The following KIF27 variants were observed in gnomAD, a reference collection of about 807,000 sequenced individuals.
KIF27 encodes kinesin-like protein KIF27.
In KIF27, 84 loss-of-function variants were observed where a neutral mutation model predicts 141.8. The observed-to-expected ratio is 0.59, with a 90% confidence interval of 0.50 to 0.71. The LOEUF is 0.71. Among genes scored for constraint, KIF27 ranks in the 30% least tolerant of loss-of-function variants. The probability of loss-of-function intolerance (pLI) is 0.00; values close to 1 mark genes in which losing one functional copy is unlikely to be tolerated. For synonymous variants in KIF27, 471 were observed against 569.5 expected (o/e 0.83, Z 2.46); for missense variants, 1,306 against 1,628.4 (o/e 0.80, Z 3.41).
intron 16 of KIF27, among the ~76,000 whole-genome samples, chr9:83,848,452 ATATATC>A (rs1322395726): frequency 1.0e-4 from 14 of 139,814 alleles, no homozygotes; most frequent in Non-Finnish European, 1.5e-4. Context: ...TGCTATATGT[ATATATC>A]TATATCTATA....
intron 10 of KIF27, among the ~76,000 whole-genome samples, chr9:83,882,173 T>G (rs994659848): frequency 1.3e-5 from 2 of 152,052 alleles, no homozygotes; most frequent in Non-Finnish European, 2.9e-5. Flanking sequence ...GACCAGCCTG[T>G]CCAATGTGGT....
chr9:83,880,240 G>A (rs746712218), intron 11 of KIF27, 57 bp downstream of exon 11: 1 of 1,609,642 alleles, frequency 6.2e-7, no homozygotes, highest in African/African-American at 1.3e-5. Flanking sequence ...GGATTCGTTA[G>A]CTCTGAGCCG....
intron 13 of KIF27, among the ~76,000 whole-genome samples, chr9:83,862,532 A>AAG (rs1564325599): frequency 6.6e-6 from 1 of 152,110 alleles, no homozygotes; most frequent in East Asian, 1.9e-4. Flanking sequence ...CCACTGGTCT[A>AAG]TATCTCTGTT....
Position 83,903,634 on chromosome 9 carries a change from T to A in KIF27, c.884A>T (p.Asp295Val). 6.2e-7 allele frequency: 1 copy of A among 1,614,184 alleles called. No homozygotes were observed. The highest frequency in any genetic ancestry group is 2.2e-5 in the East Asian group (1 of 44,886). The part of the protein sequence containing the change: ...RRKSSHIPYR[D>V]AKITRLLKDS... ...TTTCAGAAGCCGGGTAATTTTAGCA[T>A]CCCTATATGGAATATGTGAACTCTT... is the stretch of plus-strand genomic sequence containing the variant. The change falls in exon 4 of 18, where the codon GAT becomes GTT. Residue 295 changes from aspartate to valine, a missense_variant. Physicochemically the swap from Asp to Val is radical, Grantham distance 152. Transcript: ENST00000297814.
At chr9:83,893,830 A>C (rs920580018) in intron 5 of KIF27, among the ~76,000 whole-genome samples, 2 of 152,100 alleles carry the variant, frequency 1.3e-5, no homozygotes, top group Non-Finnish European at 2.9e-5. Flanking sequence ...AAAGTCAAAA[A>C]TTGTCTCTTT....
chr9:83,862,294 T>C (rs1950002299), intron 13 of KIF27, among the ~76,000 whole-genome samples: 1 of 151,936 alleles, frequency 6.6e-6, no homozygotes, highest in Non-Finnish European at 1.5e-5. Context: ...TCTTCTAGGG[T>C]TTTTATGGTT....
chr9:83,835,273 T>G lies in KIF27; in HGVS notation c.*1728A>C. 1.3e-5 allele frequency among the ~76,000 whole-genome samples: 2 copies of G among 151,480 alleles called. No individual in the cohort carries two copies. The highest frequency in any genetic ancestry group is 3.9e-4 in the East Asian group (2 of 5,180). ...ACCTTTGGTTTGTATGATTTATATT[T>G]ATATATAAATGTACATAAATTTATA... On this transcript the variant is annotated 3_prime_UTR_variant, in exon 18 of 18. Coordinates refer to ENST00000297814, the MANE Select transcript of KIF27 (RefSeq NM_017576.4).
At chr9:83,913,241 T>C (rs1277230336) in intron 2 of KIF27, among the ~76,000 whole-genome samples, 1 of 152,150 alleles carries the variant, frequency 6.6e-6, no homozygotes, top group East Asian at 1.9e-4. Context: ...AAATACATTT[T>C]AAAATAAGAG....
chr9:83,861,177 T>TA lies in KIF27; in HGVS notation c.2935-1807_2935-1806insT, dbSNP rs1388306891. ...TTTTGCTGGCCCCTTGATGGGCTAT[T>TA]TCTTTATATATATATATATAACTTT... On this transcript the variant is annotated intron_variant, in intron 13 of 17. Coordinates refer to ENST00000297814, the MANE Select transcript of KIF27 (RefSeq NM_017576.4). 7.0e-4 allele frequency among the ~76,000 whole-genome samples: 100 copies of TA among 142,498 alleles called. 1 individual carries two copies. The highest frequency in any genetic ancestry group is 2.4e-3 in the African/African-American group (89 of 37,680). The allele number at this position is 142,498 out of a possible 152,430, so 93.5% of individuals were successfully genotyped here. A position where few individuals can be genotyped will look rare whatever the true frequency, so the allele number is the denominator to read the frequency against.
chr9:83,885,123 C>T (rs770918591), intron 9 of KIF27, among the ~76,000 whole-genome samples: 5 of 152,098 alleles, frequency 3.3e-5, no homozygotes, highest in African/African-American at 4.8e-5. Context: ...GACAGAGCCT[C>T]GCTCTGTCAC....
At chr9:83,879,318 G>C (rs978218399) in intron 11 of KIF27, among the ~76,000 whole-genome samples, 5 of 151,258 alleles carry the variant, frequency 3.3e-5, no homozygotes, top group Admixed American at 2.6e-4. Context: ...TGAATTCTGT[G>C]ATTTTTTTTT....
chr9:83,838,334 C>T (rs570439413), intron 17 of KIF27, among the ~76,000 whole-genome samples: 9 of 152,140 alleles, frequency 5.9e-5, no homozygotes, highest in South Asian at 2.1e-4. Flanking sequence ...CCTGGGTTCA[C>T]GCCATTCTCC....
At chr9:83,883,467 T>C (rs181376807) in intron 10 of KIF27, among the ~76,000 whole-genome samples, 1 of 152,360 alleles carries the variant, frequency 6.6e-6, no homozygotes, top group African/African-American at 2.4e-5. Context: ...TTCCCATTTG[T>C]TGAGTGTCTA....
chr9:83,883,167 G>C (rs1252571022), intron 10 of KIF27, among the ~76,000 whole-genome samples: 1 of 152,048 alleles, frequency 6.6e-6, no homozygotes, highest in Non-Finnish European at 1.5e-5. Flanking sequence ...ATGAAAGAAA[G>C]CAGTAGACCA....
chr9:83,914,684 ATACAG>A (rs1030827608), intron 2 of KIF27, among the ~76,000 whole-genome samples: 2 of 152,176 alleles, frequency 1.3e-5, no homozygotes, highest in Non-Finnish European at 2.9e-5. Flanking sequence ...AAAAATATAA[ATACAG>A]TAAACAATCT....
chr9:83,903,848 C>T lies in KIF27; in HGVS notation c.670G>A (p.Ala224Thr), dbSNP rs765488881. 3 of 1,614,022 alleles carry T rather than the reference C, an allele frequency of 1.9e-6. No homozygotes were observed. Among genetic ancestry groups the T allele is most frequent in the Admixed American group, 1.7e-5 (1 of 59,992 alleles). The change falls in exon 4 of 18, where the codon GCA (alanine) becomes ACA (threonine). Residue 224 changes from alanine (A) to threonine (T), a missense_variant. Physicochemically the swap from Ala to Thr is moderately conservative, Grantham distance 58. Coordinates refer to ENST00000297814, the MANE Select transcript of KIF27 (RefSeq NM_017576.4). ...GAATACCATGATCCATCTTCAGCTG[C>T]CTCCATATTTTTATGAACTTGACAA... ...SICQVHKNME[A>T]AEDGSWYSPR...
At chr9:83,881,045 T>C in intron 10 of KIF27, among the ~76,000 whole-genome samples, 1 of 152,118 alleles carries the variant, frequency 6.6e-6, no homozygotes, top group Non-Finnish European at 1.5e-5. Flanking sequence ...AGCATTCTAC[T>C]GTGCTCTTGT....
intron 16 of KIF27, among the ~76,000 whole-genome samples, chr9:83,848,271 AGATAT>A (rs1431723712): frequency 1.8e-5 from 2 of 110,262 alleles, no homozygotes; most frequent in Non-Finnish European, 3.5e-5. Flanking sequence ...ATGATATATC[AGATAT>A]GATATATATG....
At chr9:83,848,115 T>TGA (rs71365389) in intron 16 of KIF27, among the ~76,000 whole-genome samples, 1 of 65,904 alleles carries the variant, frequency 1.5e-5, no homozygotes, top group Admixed American at 1.3e-4. Flanking sequence ...ATCTCATATC[T>TGA]GATATATCTG....
Sources: allele counts gnomAD v4.1 joint callset (sites outside exome capture counted in the v4.1 genomes callset), GRCh38; gene constraint gnomAD v4.1.1; transcripts MANE v1.5; gene names NCBI Gene and HGNC (gene_info 2026-07-23, HGNC 2026-07-21).